The following PAX5 variants were observed in gnomAD, a reference collection of about 807,000 sequenced individuals.
The protein encoded by PAX5 is paired box protein Pax-5.
Under a neutral mutation model 43.7 loss-of-function variants are expected in PAX5, and 9 were observed. The observed-to-expected ratio is 0.21, with a 90% confidence interval of 0.12 to 0.36. The LOEUF is 0.36. PAX5 is among the 10% of genes least tolerant of loss of function. PAX5 has a pLI of 1.00. For missense variants in PAX5, 383 were observed against 532.7 expected, an observed-to-expected ratio of 0.72 and a Z score of 2.77; for synonymous variants, 228 against 214.3, an observed-to-expected ratio of 1.06 and a Z score of -0.56.
At chr9:36,981,439 A>AAAAAAAAC (rs1183629521) in intron 5 of PAX5, among the ~76,000 whole-genome samples, 1 of 150,196 alleles carries the variant, frequency 6.7e-6, no homozygotes, top group Non-Finnish European at 1.5e-5. Flanking sequence ...ACTGGCAAAA[A>AAAAAAAAC]AAAAAAAACA....
intron 5 of PAX5, among the ~76,000 whole-genome samples, chr9:36,986,714 G>C (rs867222782): frequency 8.5e-5 from 13 of 152,156 alleles, no homozygotes; most frequent in Non-Finnish European, 1.9e-4. Flanking sequence ...CCGGACCGCG[G>C]GGCCGAGGAG....
intron 3 of PAX5, among the ~76,000 whole-genome samples, chr9:37,013,705 C>T (rs1286307326): frequency 6.6e-6 from 1 of 152,126 alleles, no homozygotes; most frequent in East Asian, 1.9e-4. Context: ...AGAACCCCAC[C>T]CTGGACAAAG....
At chr9:37,001,554 C>G (rs1267343689) in intron 5 of PAX5, among the ~76,000 whole-genome samples, 1 of 152,236 alleles carries the variant, frequency 6.6e-6, no homozygotes, top group African/African-American at 2.4e-5. Context: ...AGCCGCAAAT[C>G]TTCCCCACAC....
intron 7 of PAX5, among the ~76,000 whole-genome samples, chr9:36,894,060 C>T (rs951196269): frequency 3.3e-5 from 5 of 152,148 alleles, no homozygotes; most frequent in East Asian, 3.8e-4. Flanking sequence ...GGTTGCTGAT[C>T]GAGACCCGCC....
chr9:37,020,974 T>G (rs764872320), intron 1 of PAX5, among the ~76,000 whole-genome samples, 173 bp from the exon 2 acceptor site: 22 of 152,240 alleles, frequency 1.4e-4, no homozygotes, highest in Non-Finnish European at 2.5e-4. Flanking sequence ...GATTGCTTTT[T>G]AAAATTAATC....
At chr9:36,949,349 C>G (rs746214288) in intron 6 of PAX5, among the ~76,000 whole-genome samples, 2 of 152,176 alleles carry the variant, frequency 1.3e-5, no homozygotes, top group Non-Finnish European at 2.9e-5. Context: ...CGTGAGCCAC[C>G]GTGCCCGGCC....
At chr9:36,988,662 C>CA (rs139552622) in intron 5 of PAX5, among the ~76,000 whole-genome samples, 248 of 103,178 alleles carry the variant, frequency 2.4e-3, no homozygotes, top group Middle Eastern at 5.2e-3. Context: ...GACCCTGTCT[C>CA]AAAAAAAAAA....
Position 36,837,961 on chromosome 9 carries a change from A to C in PAX5, c.*2599T>G, listed in dbSNP as rs926685617. ...GCAGGATCCAAAGATGTGGGTACAC[A>C]TCATTCCAAAAGAAGGGTGACAGGG... On this transcript the variant is annotated 3_prime_UTR_variant, in exon 10 of 10. Transcript: ENST00000358127. 4.3e-6 allele frequency: 1 copy of C among 233,408 alleles called. No individual in the cohort carries two copies. Among genetic ancestry groups the C allele is most frequent in the Non-Finnish European group, 8.5e-6 (1 of 118,102 alleles). 14.5% of individuals were successfully genotyped at this position (233,408 alleles called of 1,614,324 possible).
intron 8 of PAX5, among the ~76,000 whole-genome samples, chr9:36,861,897 T>C (rs2131651347): frequency 6.6e-6 from 1 of 152,198 alleles, no homozygotes; most frequent in Non-Finnish European, 1.5e-5. Context: ...TGACTGGCAA[T>C]GGGGAGACCA....
Position 37,020,692 on chromosome 9 carries a change from G to T in PAX5, c.156C>A (p.Cys52Ter). 1 of 1,614,144 alleles carries T rather than the reference G, an allele frequency of 6.2e-7. No homozygotes were observed. The highest frequency in any genetic ancestry group is 8.5e-7 in the Non-Finnish European group (1 of 1,180,024). Residue 52 changes from cysteine to a stop codon, truncating the protein, a stop_gained, in exon 2 of 10, where the codon TGC (cysteine) becomes TGA (stop). Transcript: ENST00000358127. LOFTEE classifies it high-confidence loss of function. ...TGACCCGAAGCTGCCTGGAGATGTC[G>T]CAGGGCCTGACACCTTGATGAGCAA... ...VELAHQGVRP[C>*]DISRQLRVSH...
chr9:36,862,628 C>T lies in PAX5; in HGVS notation c.1013-15699G>A, dbSNP rs141415095. On this transcript the variant is annotated intron_variant, in intron 8 of 9. Coordinates refer to ENST00000358127, the MANE Select transcript of PAX5 (RefSeq NM_016734.3). ...AAGCAACATAGGAAAGAGAAGCCAC[C>T]CCTGGCTGGGGGCGTTTGGTCTGAA... 1.1e-3 allele frequency among the ~76,000 whole-genome samples: 160 copies of T among 152,212 alleles called. 2 individuals are homozygous for T. Among genetic ancestry groups the T allele is most frequent in the Admixed American group, 3.3e-3 (51 of 15,290 alleles).
At chr9:37,026,814 C>T in intron 1 of PAX5, 1 of 717,998 alleles carries the variant, frequency 1.4e-6, no homozygotes, top group Non-Finnish European at 1.7e-6. Context: ...CCAACTCCGG[C>T]TGGCTTCCCT....
chr9:36,981,652 C>G (rs942987722), intron 5 of PAX5, among the ~76,000 whole-genome samples: 1 of 152,146 alleles, frequency 6.6e-6, no homozygotes, highest in South Asian at 2.1e-4. Context: ...CCACAGTGCC[C>G]GACACCACAT....
At chr9:36,926,302 GA>G (rs765218543) in intron 6 of PAX5, among the ~76,000 whole-genome samples, 1 of 150,450 alleles carries the variant, frequency 6.6e-6, no homozygotes, top group East Asian at 1.9e-4. Flanking sequence ...AAATGAAACT[GA>G]AAAAAAAATA....
At chr9:36,866,446 G>T (rs1366475027) in intron 8 of PAX5, among the ~76,000 whole-genome samples, 2 of 152,236 alleles carry the variant, frequency 1.3e-5, no homozygotes, top group Non-Finnish European at 2.9e-5. Flanking sequence ...GATCCACTGA[G>T]GCACAGAAGC....
At chr9:36,900,220 C>T (rs1828255202) in intron 7 of PAX5, among the ~76,000 whole-genome samples, 1 of 152,188 alleles carries the variant, frequency 6.6e-6, no homozygotes, top group East Asian at 1.9e-4. Flanking sequence ...TTTTTGGGTC[C>T]CCCAAGTAGA....
intron 8 of PAX5, among the ~76,000 whole-genome samples, chr9:36,863,937 C>T (rs4628332): frequency 0.57 from 86,674 of 151,938 alleles, 24,794 homozygotes; most frequent in Middle Eastern, 0.63. Flanking sequence ...GGTGAAACCC[C>T]GTCTCTACTA....
intron 8 of PAX5, among the ~76,000 whole-genome samples, chr9:36,849,692 C>G (rs142793517): frequency 6.6e-6 from 1 of 152,192 alleles, no homozygotes; most frequent in African/African-American, 2.4e-5. Context: ...CATTGCCCAC[C>G]ACACCATCCT....
chr9:36,839,522 C>T lies in PAX5; in HGVS notation c.*1038G>A. ...TTAATTATTGTCTACATCACCGGAACAGGCTTGCCCAGAATCCACTTGCTG... is the reference window on the plus strand; with the variant it reads ...TTAATTATTGTCTACATCACCGGAATAGGCTTGCCCAGAATCCACTTGCTG... On this transcript the variant is annotated 3_prime_UTR_variant, in exon 10 of 10. Transcript: ENST00000358127. 4.3e-6 allele frequency: 1 copy of T among 233,400 alleles called. No homozygotes were observed. Among genetic ancestry groups the T allele is most frequent in the Non-Finnish European group, 8.5e-6 (1 of 118,116 alleles). 14.5% of individuals were successfully genotyped at this position (233,400 alleles called of 1,614,324 possible).
Sources: allele counts gnomAD v4.1 joint callset (sites outside exome capture counted in the v4.1 genomes callset), GRCh38; gene constraint gnomAD v4.1.1; transcripts MANE v1.5; gene names NCBI Gene and HGNC (gene_info 2026-07-23, HGNC 2026-07-21).